The following SKP2 variants were observed in gnomAD, a reference collection of about 807,000 sequenced individuals.
The protein encoded by SKP2 is S-phase kinase associated protein 2.
A neutral mutation model predicts 51.8 loss-of-function variants in SKP2; 16 were observed. The ratio of observed to expected loss-of-function variants is 0.31; its 90% confidence interval spans 0.21 to 0.47. The LOEUF (loss-of-function observed/expected upper bound fraction) is 0.47, where lower values mean the gene tolerates loss of function less well. Ranked by LOEUF, SKP2 falls within the 20% of genes least tolerant of loss-of-function variation. The pLI is 1.00. For synonymous variants in SKP2, 176 were observed against 198.6 expected, an observed-to-expected ratio of 0.89 and a Z score of 0.96; for missense variants, 377 against 505.3, an observed-to-expected ratio of 0.75 and a Z score of 2.43.
intron 2 of SKP2, among the ~76,000 whole-genome samples, chr5:36,156,066 GTA>G (rs1744935768): frequency 6.6e-6 from 1 of 152,174 alleles, no homozygotes; most frequent in Non-Finnish European, 1.5e-5. Flanking sequence ...GACTTCAAAA[GTA>G]TATATCTGAA....
At chr5:36,188,489 A>G (rs893987325), downstream of SKP2, among the ~76,000 whole-genome samples, 27 of 152,094 alleles carry the variant, frequency 1.8e-4, 1 homozygote, top group African/African-American at 6.0e-4. Flanking sequence ...TCACTTATGA[A>G]GCTTAGTTTG....
chr5:36,172,800 T>G (rs1745515259), intron 7 of SKP2, among the ~76,000 whole-genome samples: 1 of 152,138 alleles, frequency 6.6e-6, no homozygotes, highest in African/African-American at 2.4e-5. Flanking sequence ...GGACTCAAAT[T>G]TGGACTACTG....
downstream of SKP2, among the ~76,000 whole-genome samples, chr5:36,185,161 C>T (rs1416155241): frequency 2.0e-5 from 3 of 152,028 alleles, no homozygotes; most frequent in Non-Finnish European, 4.4e-5. Context: ...GGATATTAGC[C>T]GTTTGTCAGA....
intron 3 of SKP2, among the ~76,000 whole-genome samples, chr5:36,166,028 A>G (rs1253623961): frequency 6.6e-6 from 1 of 151,956 alleles, no homozygotes; most frequent in Non-Finnish European, 1.5e-5. Context: ...TTGAATATCT[A>G]TGACAGCCTT....
Position 36,182,898 on chromosome 5 carries a change from G to A in SKP2, c.*867G>A. On this transcript the variant is annotated 3_prime_UTR_variant, in exon 10 of 10. Transcript: ENST00000274255. ...ATCCACTCTCTATTCTTGAAAATTT[G>A]GATGGGAGAATTCTGAAGTTGCCTG... 2.0e-6 allele frequency: 2 copies of A among 984,758 alleles called. No individual in the cohort carries two copies. The highest frequency in any genetic ancestry group is 2.4e-6 in the Non-Finnish European group (2 of 829,348). 61.0% of individuals were successfully genotyped at this position (984,758 alleles called of 1,614,324 possible).
In SKP2 at chr5:36,183,218, A is replaced by G. The variant is rs189335003; in HGVS notation, c.*1187A>G. ...CCTTTTGATACCATCAGTGATATAT[A>G]TTTTTTTAAACTGGTACAGAGAAGT... On this transcript the variant is annotated 3_prime_UTR_variant, in exon 10 of 10. Coordinates refer to ENST00000274255, the MANE Select transcript of SKP2 (RefSeq NM_005983.4). 2.5e-4 allele frequency: 241 copies of G among 956,814 alleles called. No homozygotes were observed. The African/African-American group carries it at 3.9e-3, about 16-fold the overall frequency. The allele number at this position is 956,814 out of a possible 1,614,324, so 59.3% of individuals were successfully genotyped here.
intron 2 of SKP2, among the ~76,000 whole-genome samples, chr5:36,157,883 A>G (rs1212677346): frequency 6.6e-6 from 1 of 152,260 alleles, no homozygotes; most frequent in Non-Finnish European, 1.5e-5. Context: ...AAATATGTCA[A>G]GTAAGATGAG....
Position 36,182,165 on chromosome 5 carries a change from T to G in SKP2, c.*134T>G, listed in dbSNP as rs1342534441. ...ATTCTGCAAGTATACTAGGGAGCCA[T>G]TTGAGAGGGAAAACTATGAAATCTT... On this transcript the variant is annotated 3_prime_UTR_variant, in exon 10 of 10. Coordinates refer to ENST00000274255, the MANE Select transcript of SKP2 (RefSeq NM_005983.4). 2.1e-6 allele frequency: 3 copies of G among 1,434,380 alleles called. No individual in the cohort carries two copies. Among genetic ancestry groups the G allele is most frequent in the Non-Finnish European group, 2.7e-6 (3 of 1,097,326 alleles). The allele number at this position is 1,434,380 out of a possible 1,614,324, so 88.9% of individuals were successfully genotyped here. A position where few individuals can be genotyped will look rare whatever the true frequency, so the allele number is the denominator to read the frequency against.
At chr5:36,152,655 C>A in intron 1 of SKP2, 116 bp from the exon 2 acceptor site, 1 of 1,092,426 alleles carries the variant, frequency 9.2e-7, no homozygotes, top group Non-Finnish European at 1.3e-6. Flanking sequence ...AAATGCGATT[C>A]TGTTAGCTGC....
chr5:36,154,671 G>A (rs146453061), intron 2 of SKP2, among the ~76,000 whole-genome samples: 71 of 152,306 alleles, frequency 4.7e-4, no homozygotes, highest in Non-Finnish European at 9.8e-4. Flanking sequence ...TGAGACTACA[G>A]GCATGCACCA....
chr5:36,190,563 C>G (rs1561047945), intron 6 of SKP2, among the ~76,000 whole-genome samples: 1 of 151,150 alleles, frequency 6.6e-6, no homozygotes, highest in East Asian at 2.0e-4. Context: ...TCCAGGAATT[C>G]TGTTCCTTTT....
chr5:36,183,934 C>G lies in SKP2; in HGVS notation c.*1903C>G. 6.2e-7 allele frequency: 1 copy of G among 1,611,378 alleles called. No individual in the cohort carries two copies. The highest frequency in any genetic ancestry group is 8.5e-7 in the Non-Finnish European group (1 of 1,179,510). On this transcript the variant is annotated 3_prime_UTR_variant, in exon 10 of 10. Transcript: ENST00000274255. The stretch of plus-strand genomic sequence containing the variant: ...TTCCAAACTCAAGTCCAGCCATAAG[C>G]TATTTTGCCAACATGTCAGAGTAAT...
At chr5:36,161,308 A>AG (rs1259858607) in intron 2 of SKP2, among the ~76,000 whole-genome samples, 1 of 149,336 alleles carries the variant, frequency 6.7e-6, no homozygotes, top group Admixed American at 6.7e-5. Flanking sequence ...AAAAAAAAAA[A>AG]GCGTTTTTGT....
chr5:36,156,593 A>G (rs953726335), intron 2 of SKP2, among the ~76,000 whole-genome samples: 3 of 152,136 alleles, frequency 2.0e-5, no homozygotes, highest in Admixed American at 2.0e-4. Flanking sequence ...ATGGCCCAGC[A>G]ATGAGGTCAG....
chr5:36,187,448 C>G (rs1561047014), downstream of SKP2, among the ~76,000 whole-genome samples: 2 of 148,542 alleles, frequency 1.3e-5, no homozygotes, highest in East Asian at 1.9e-4. Flanking sequence ...TGTTCTCATT[C>G]GTTTCAAAGA....
chr5:36,160,252 A>G (rs1457909160), intron 2 of SKP2, among the ~76,000 whole-genome samples: 4 of 152,250 alleles, frequency 2.6e-5, no homozygotes, highest in Non-Finnish European at 5.9e-5. Flanking sequence ...TGGTGTCAGT[A>G]TGATTTTTAC....
intron 2 of SKP2, among the ~76,000 whole-genome samples, chr5:36,157,024 AT>A (rs1744972552): frequency 6.6e-6 from 1 of 151,842 alleles, no homozygotes; most frequent in Non-Finnish European, 1.5e-5. Context: ...TTACTAAGAT[AT>A]TTTCTATTCT....
chr5:36,168,426 G>A lies in SKP2; in HGVS notation c.650G>A (p.Arg217Gln), dbSNP rs768455603. 1.2e-5 allele frequency: 19 copies of A among 1,614,052 alleles called. No individual in the cohort carries two copies. Among genetic ancestry groups the A allele is most frequent in the East Asian group, 4.5e-5 (2 of 44,890 alleles). Residue 217 changes from arginine (R) to glutamine (Q), a missense_variant, in exon 5 of 10, where the codon CGG (arginine) becomes CAG (glutamine). This residue lies in a region of SKP2 where 262 missense variants were observed against 389.8 expected (regional missense o/e 0.67). Transcript: ENST00000274255. The stretch of plus-strand genomic sequence containing the variant: ...CAGAATCTAAGCCTGGAAGGCCTGC[G>A]GCTTTCGGATCCCATTGTCAAGTGA... ...KLQNLSLEGL[R>Q]LSDPIVNTLA...
downstream of SKP2, among the ~76,000 whole-genome samples, chr5:36,184,474 G>A (rs546348780): frequency 2.6e-5 from 4 of 152,090 alleles, no homozygotes; most frequent in East Asian, 1.9e-4. Flanking sequence ...AGGTGTTCTC[G>A]TTGTTCAATT....
Sources: gnomAD v4.1 joint callset for allele counts (sites outside exome capture counted in the v4.1 genomes callset) on GRCh38, gnomAD v4.1.1 for gene constraint, gnomAD v4.1.1 regional missense constraint, MANE v1.5 for transcripts, NCBI Gene and HGNC (gene_info 2026-07-23, HGNC 2026-07-21) for gene names.